The following GCSH variants were observed in gnomAD, a reference collection of about 807,000 sequenced individuals.
GCSH encodes the protein glycine cleavage system protein H, also known as glycine cleavage system H protein, mitochondrial.
GCSH carries 15 observed loss-of-function variants against 21.3 expected under a neutral mutation model. The observed-to-expected ratio is 0.70, with a 90% CI of 0.47 to 1.08. GCSH has a LOEUF of 1.08. GCSH is among the 50% of genes least tolerant of loss of function. GCSH has a pLI of 0.00. For missense variants in GCSH, 179 were observed against 217.5 expected (o/e 0.82, Z 1.11); for synonymous variants, 59 against 84.5 (o/e 0.70, Z 1.66).
intron 1 of GCSH, 146 bp downstream of exon 1, chr16:81,095,985 A>C (rs8177849): frequency 1.2e-5 from 8 of 643,888 alleles, no homozygotes; most frequent in Non-Finnish European, 1.8e-5. Flanking sequence ...AGGGATCCCA[A>C]CAGAAATAAG....
intron 2 of GCSH, among the ~76,000 whole-genome samples, chr16:81,088,395 C>G (rs1402815709): frequency 6.6e-6 from 1 of 152,262 alleles, no homozygotes; most frequent in Admixed American, 6.6e-5. Context: ...AGACTGCTAG[C>G]TCTTTGTTTT....
chr16:81,082,404 C>T lies in GCSH; in HGVS notation c.*462G>A, dbSNP rs986324198. ...AATAGCACCAGCAAATGCAGTGTATCGCAAAATTAAGATAGTGGTGTTCCT... is the reference window on the plus strand; with the variant it reads ...AATAGCACCAGCAAATGCAGTGTATTGCAAAATTAAGATAGTGGTGTTCCT... On this transcript the variant is annotated 3_prime_UTR_variant, in exon 5 of 5. Transcript: ENST00000315467. The T allele has an allele frequency of 2.7e-5, 10 of 377,312 alleles. No individual in the cohort carries two copies. Among genetic ancestry groups the T allele is most frequent in the Non-Finnish European group, 4.6e-5 (9 of 194,124 alleles). 23.4% of individuals were successfully genotyped at this position (377,312 alleles called of 1,614,324 possible).
intron 3 of GCSH, among the ~76,000 whole-genome samples, 176 bp downstream of exon 3, chr16:81,087,425 G>C (rs146930918): frequency 8.2e-4 from 124 of 151,932 alleles, no homozygotes; most frequent in African/African-American, 2.6e-3. Flanking sequence ...TTTAACCCAG[G>C]AGGCAGAGGT....
chr16:81,084,201 A>G (rs56395947), intron 4 of GCSH: 56,316 of 552,678 alleles, frequency 0.1, 3,223 homozygotes, highest in East Asian at 0.21. Flanking sequence ...CTGGTCTCCA[A>G]CTCCTGGACT....
At chr16:81,092,583 A>T (rs1972418272) in intron 1 of GCSH, among the ~76,000 whole-genome samples, 1 of 150,970 alleles carries the variant, frequency 6.6e-6, no homozygotes, top group African/African-American at 2.4e-5. Context: ...TCTACTAAAA[A>T]AATACAAAAA....
intron 4 of GCSH, chr16:81,083,396 T>C (rs8177943): frequency 0.1 from 21,526 of 209,894 alleles, 1,216 homozygotes; most frequent in East Asian, 0.2. Context: ...CAGTTGCCCT[T>C]GATCCCAGCT....
chr16:81,082,102 T>C lies in GCSH; in HGVS notation c.*764A>G, dbSNP rs564066146. ...TCTTCTTTCTTCAGACCTCGCATGA[T>C]AGAAAATCAAAGTTGGTGATTTATT... On this transcript the variant is annotated 3_prime_UTR_variant, in exon 5 of 5. Coordinates refer to ENST00000315467, the MANE Select transcript of GCSH (RefSeq NM_004483.5). 160 of 454,114 alleles carry C rather than the reference T, an allele frequency of 3.5e-4. 1 individual carries two copies. Among genetic ancestry groups the C allele is most frequent in the South Asian group, 2.4e-3 (157 of 64,478 alleles). 28.1% of individuals were successfully genotyped at this position (454,114 alleles called of 1,614,324 possible).
intron 4 of GCSH, chr16:81,084,057 G>C (rs1972221990): frequency 3.5e-6 from 1 of 283,842 alleles, no homozygotes; most frequent in Admixed American, 4.9e-5. Flanking sequence ...ACTATAGACT[G>C]CAGCCTTGAC....
chr16:81,084,723 T>A (rs1254905148), intron 3 of GCSH, 129 bp from the exon 4 acceptor site: 3 of 742,598 alleles, frequency 4.0e-6, no homozygotes, highest in Non-Finnish European at 6.6e-6. Context: ...TTTTTTTTTT[T>A]TTTTGAGATG....
rs781621489 is a variant in GCSH, at chr16:81,082,772, A to G, written c.*94T>C. 7 of 698,240 alleles carry G rather than the reference A, an allele frequency of 1.0e-5. No homozygotes were observed. Among genetic ancestry groups the G allele is most frequent in the African/African-American group, 5.9e-5 (3 of 51,224 alleles). 43.3% of individuals were successfully genotyped at this position (698,240 alleles called of 1,614,324 possible). On this transcript the variant is annotated 3_prime_UTR_variant, in exon 5 of 5. Coordinates refer to ENST00000315467, the MANE Select transcript of GCSH (RefSeq NM_004483.5). The stretch of plus-strand genomic sequence containing the variant: ...TTTTTTTTCCCCATCGGTAATACTA[A>G]AAGTTTCTATTCTAAGTCTTCTATC...
chr16:81,088,118 T>G (rs1047825669), intron 2 of GCSH, among the ~76,000 whole-genome samples: 13 of 151,732 alleles, frequency 8.6e-5, no homozygotes, highest in African/African-American at 2.9e-4. Flanking sequence ...AGAGCAAGAC[T>G]CCATGTCAAG....
chr16:81,088,081 G>C (rs1310832438), intron 2 of GCSH, among the ~76,000 whole-genome samples: 3 of 151,986 alleles, frequency 2.0e-5, no homozygotes, highest in Non-Finnish European at 4.4e-5. Context: ...AGTTGAGATT[G>C]CACCTGTATA....
intron 3 of GCSH, among the ~76,000 whole-genome samples, chr16:81,085,879 G>A (rs754579757): frequency 0.88 from 11,893 of 13,492 alleles, 5,232 homozygotes; most frequent in East Asian, 0.96. Context: ...AAAAACGGCC[G>A]GGCGCGGTGG....
intron 1 of GCSH, among the ~76,000 whole-genome samples, chr16:81,095,760 T>C (rs1477736116): frequency 6.6e-6 from 1 of 152,106 alleles, no homozygotes; most frequent in East Asian, 1.9e-4. Flanking sequence ...GTCTCAACGA[T>C]GCACGCAGAT....
rs928077031 is a variant in GCSH at position 81,086,843 on chromosome 16, A to G, written c.292+758T>C. 5.3e-5 allele frequency among the ~76,000 whole-genome samples: 7 copies of G among 132,306 alleles called. 1 individual carries two copies. The highest frequency in any genetic ancestry group is 1.8e-4 in the African/African-American group (7 of 38,862). The allele number at this position is 132,306 out of a possible 152,430, so 86.8% of individuals were successfully genotyped here. ...CTTTCATATAAAGAATAGGCAAAAT[A>G]AACCTATGGTGTAGAAACGAGAGAA... On this transcript the variant is annotated intron_variant, in intron 3 of 4. Coordinates refer to ENST00000315467, the MANE Select transcript of GCSH (RefSeq NM_004483.5).
rs1209173617 is a variant in GCSH, at chr16:81,082,061, C to G, written c.*805G>C. 2.2e-6 allele frequency: 1 copy of G among 454,096 alleles called. No homozygotes were observed. The allele number at this position is 454,096 out of a possible 1,614,324, so 28.1% of individuals were successfully genotyped here. ...GTGCTATACTGATCAAAACTTCCAC[C>G]TTCCTCTGTCTTTCCTCTTCTTTCT... On this transcript the variant is annotated 3_prime_UTR_variant, in exon 5 of 5. Coordinates refer to ENST00000315467, the MANE Select transcript of GCSH (RefSeq NM_004483.5).
chr16:81,092,235 G>A (rs549556008), intron 1 of GCSH, among the ~76,000 whole-genome samples: 22 of 151,722 alleles, frequency 1.5e-4, no homozygotes, highest in East Asian at 5.8e-4. Context: ...ATGCTCTTAC[G>A]GCACCCTGTA....
intron 1 of GCSH, among the ~76,000 whole-genome samples, chr16:81,093,800 GTC>G (rs1159953036): frequency 6.6e-6 from 1 of 152,030 alleles, no homozygotes; most frequent in Non-Finnish European, 1.5e-5. Flanking sequence ...AAAGACCTAA[GTC>G]TTTATTTTAC....
chr16:81,086,231 A>AAAAAACT (rs1972274386), intron 3 of GCSH, among the ~76,000 whole-genome samples: 1 of 128,796 alleles, frequency 7.8e-6, no homozygotes, highest in Non-Finnish European at 1.7e-5. Context: ...AAAAAACACA[A>AAAAAACT]TTATGAACTC....
Sources: gnomAD v4.1 joint callset for allele counts (sites outside exome capture counted in the v4.1 genomes callset) on GRCh38, gnomAD v4.1.1 for gene constraint, MANE v1.5 for transcripts, NCBI Gene and HGNC (gene_info 2026-07-23, HGNC 2026-07-21) for gene names.